ARHGEF16: variants seen among roughly 807,000 people sequenced by gnomAD.
ARHGEF16 encodes the protein Rho guanine exchange factor (GEF) 16.
ARHGEF16 carries 59 observed loss-of-function variants against 74.1 expected under a neutral mutation model. The ratio of observed to expected loss-of-function variants is 0.80; its 90% CI spans 0.65 to 0.99. ARHGEF16 has a LOEUF of 0.99. ARHGEF16 is among the 50% of genes least tolerant of loss of function. ARHGEF16 has a pLI of 0.00. For missense variants in ARHGEF16, 948 were observed against 986.6 expected (o/e 0.96, Z 0.52); for synonymous variants, 415 against 412.6 (o/e 1.01, Z -0.07).
In ARHGEF16 at chr1:3,463,581, G is replaced by A; in HGVS notation, c.497G>A (p.Gly166Asp). ...ATGAAGGGCCTGGGGAAGCCAGGTG[G>A]CCAGGGAGATGCCATCCAGCTAAGC... ...AAMKGLGKPG[G>D]QGDAIQLSPK... The change falls in exon 2 of 15, where the codon GGC becomes GAC. Residue 166 changes from glycine (G) to aspartate (D), a missense_variant. Physicochemically the swap from Gly to Asp is moderately conservative, Grantham distance 94 (BLOSUM62 -1). Coordinates refer to ENST00000378378, the MANE Select transcript of ARHGEF16 (RefSeq NM_014448.4). 1 of 1,449,520 alleles carries A rather than the reference G, an allele frequency of 6.9e-7. No individual in the cohort carries two copies. The highest frequency in any genetic ancestry group is 9.1e-7 in the Non-Finnish European group (1 of 1,097,626). 89.8% of individuals were successfully genotyped at this position (1,449,520 alleles called of 1,614,324 possible).
chr1:3,461,801 C>T (rs943496328), intron 1 of ARHGEF16, among the ~76,000 whole-genome samples: 2 of 152,234 alleles, frequency 1.3e-5, no homozygotes, highest in East Asian at 1.9e-4. Context: ...GCCATTGAGG[C>T]TCTGCCTGGC....
At chr1:3,474,496 C>T (rs1026361044) in intron 8 of ARHGEF16, 9 of 563,958 alleles carry the variant, frequency 1.6e-5, no homozygotes, top group Non-Finnish European at 2.6e-5. Flanking sequence ...GGGGTGCTAG[C>T]TCCTGTTCCC....
intron 1 of ARHGEF16, among the ~76,000 whole-genome samples, chr1:3,455,826 G>A (rs1487391404): frequency 6.6e-6 from 1 of 152,078 alleles, no homozygotes; most frequent in East Asian, 1.9e-4. Context: ...TTGGGGCCTC[G>A]GTTTCCTCAT....
chr1:3,472,094 C>T (rs932534902), intron 6 of ARHGEF16, among the ~76,000 whole-genome samples: 10 of 152,220 alleles, frequency 6.6e-5, no homozygotes, highest in Non-Finnish European at 8.8e-5. Context: ...CCCACCTCCA[C>T]GCTGGGTAAG....
chr1:3,463,471 C>T lies in ARHGEF16; in HGVS notation c.387C>T (p.Ser129=). 6 of 1,531,348 alleles carry T rather than the reference C, an allele frequency of 3.9e-6. No homozygotes were observed. In the South Asian group the frequency reaches 6.1e-5, roughly 16 times the overall value. The allele number at this position is 1,531,348 out of a possible 1,614,324, so 94.9% of individuals were successfully genotyped here. The change falls in exon 2 of 15, where the codon AGC becomes AGT. Residue 129 remains serine (S), a synonymous_variant. Transcript: ENST00000378378. ...RRDPKLLPAP[S]FSLDDMDVDK... is the part of the protein sequence containing the mutation. Reference sequence around the variant, plus strand: ...ACCCTAAGCTCCTCCCAGCCCCCAGCTTCTCCCTGGATGACATGGACGTGG... The same window carrying T: ...ACCCTAAGCTCCTCCCAGCCCCCAGTTTCTCCCTGGATGACATGGACGTGG...
At chr1:3,468,767 G>A (rs865947213) in intron 4 of ARHGEF16, 113 bp from the exon 5 acceptor site, 5 of 1,250,664 alleles carry the variant, frequency 4.0e-6, no homozygotes, top group Middle Eastern at 3.7e-4. Flanking sequence ...CCTGAGCCCT[G>A]TGGGGTGGCT....
intron 5 of ARHGEF16, 63 bp downstream of exon 5, chr1:3,468,999 G>A: frequency 6.5e-7 from 1 of 1,538,950 alleles, no homozygotes. Context: ...ACCCGGGGAG[G>A]GGCAGCAGCC....
chr1:3,480,929 T>G lies in ARHGEF16; in HGVS notation c.*342T>G. ...GACTGATGGGCACAGGAGGCACCAATAGCGATTATTGGGGGCAATGCGAGG... is the reference window on the plus strand; with the variant it reads ...GACTGATGGGCACAGGAGGCACCAAGAGCGATTATTGGGGGCAATGCGAGG... On this transcript the variant is annotated 3_prime_UTR_variant, in exon 15 of 15. Transcript: ENST00000378378. The G allele has an allele frequency of 9.7e-6, 3 of 310,124 alleles. No individual in the cohort carries two copies. The highest frequency in any genetic ancestry group is 1.2e-5 in the Non-Finnish European group (2 of 167,266). The allele number at this position is 310,124 out of a possible 1,614,324, so 19.2% of individuals were successfully genotyped here. A position where few individuals can be genotyped will look rare whatever the true frequency, so the allele number is the denominator to read the frequency against.
intron 6 of ARHGEF16, chr1:3,471,808 C>G (rs955261854): frequency 9.2e-7 from 1 of 1,084,768 alleles, no homozygotes; most frequent in South Asian, 2.2e-5. Flanking sequence ...GGCTGGTGGG[C>G]GGCTCTCCCA....
chr1:3,462,223 C>G lies in ARHGEF16; in HGVS notation c.-19-843C>G, dbSNP rs141590001. 4.3e-3 allele frequency among the ~76,000 whole-genome samples: 652 copies of G among 152,258 alleles called. 2 individuals carry two copies. The highest frequency in any genetic ancestry group is 0.015 in the African/African-American group (610 of 41,528). On this transcript the variant is annotated intron_variant, in intron 1 of 14. Transcript: ENST00000378378. The stretch of plus-strand genomic sequence containing the variant: ...GCCACCCCTGCCACCACCACACCTG[C>G]CCAGTGGCCAGGTGTCATACTGGAC...
At chr1:3,470,387 G>A (rs1453395460) in intron 6 of ARHGEF16, among the ~76,000 whole-genome samples, 2 of 149,280 alleles carry the variant, frequency 1.3e-5, no homozygotes, top group Non-Finnish European at 3.0e-5. Flanking sequence ...GGTGTGCATG[G>A]GTTTGTGTGC....
At chr1:3,471,284 G>T (rs1023435411) in intron 6 of ARHGEF16, among the ~76,000 whole-genome samples, 1 of 152,038 alleles carries the variant, frequency 6.6e-6, no homozygotes, top group Non-Finnish European at 1.5e-5. Context: ...CTTGGGTGGC[G>T]CTGGGAGATG....
chr1:3,463,653 G>A lies in ARHGEF16; in HGVS notation c.569G>A (p.Arg190Gln), dbSNP rs187419731. The A allele has an allele frequency of 9.8e-5, 138 of 1,411,486 alleles. No individual in the cohort carries two copies. Among genetic ancestry groups the A allele is most frequent in the Non-Finnish European group, 1.2e-4 (128 of 1,076,720 alleles). 87.4% of individuals were successfully genotyped at this position (1,411,486 alleles called of 1,614,324 possible). A position where few individuals can be genotyped will look rare whatever the true frequency, so the allele number is the denominator to read the frequency against. ...LAEEPSQPHT[R>Q]SPAKNKKTLG... ...GAGGAACCCAGCCAGCCTCATACTC[G>A]GAGCCCGGCCAAAAACAAGGTAGGG... Residue 190 changes from arginine (R) to glutamine (Q), a missense_variant, in exon 2 of 15, where the codon CGG becomes CAG. Coordinates refer to ENST00000378378, the MANE Select transcript of ARHGEF16 (RefSeq NM_014448.4).
chr1:3,474,818 CTG>C, intron 9 of ARHGEF16, 36 bp downstream of exon 9: 1 of 1,601,466 alleles, frequency 6.2e-7, no homozygotes, highest in Non-Finnish European at 8.5e-7. Flanking sequence ...TACCCGAGTC[CTG>C]TACCCCGACC....
chr1:3,466,888 G>C, intron 3 of ARHGEF16: 1 of 362,970 alleles, frequency 2.8e-6, no homozygotes, highest in East Asian at 4.7e-5. Context: ...GTCCCCAGGA[G>C]GCAGCAGCGA....
intron 2 of ARHGEF16, 90 bp from the exon 3 acceptor site, chr1:3,466,058 G>T: frequency 7.1e-7 from 1 of 1,416,880 alleles, no homozygotes; most frequent in South Asian, 1.3e-5. Context: ...ATGTGGAGCC[G>T]AGAGGTCTCT....
At chr1:3,463,718 G>A in intron 2 of ARHGEF16, 46 bp downstream of exon 2, 1 of 1,350,226 alleles carries the variant, frequency 7.4e-7, no homozygotes, top group Non-Finnish European at 9.6e-7. Context: ...CTGCTAGGCA[G>A]AGGGGCGGCC....
At chr1:3,473,287 C>G in intron 7 of ARHGEF16, 57 bp downstream of exon 7, 1 of 1,595,030 alleles carries the variant, frequency 6.3e-7, no homozygotes, top group South Asian at 1.1e-5. Context: ...GCACCCTGGT[C>G]TCCCAAAGCA....
intron 1 of ARHGEF16, among the ~76,000 whole-genome samples, chr1:3,455,990 A>C (rs1489581878): frequency 1.3e-5 from 2 of 152,146 alleles, no homozygotes; most frequent in African/African-American, 4.8e-5. Context: ...CATGGGCTGA[A>C]GGTAGGCACT....
Sources: allele counts gnomAD v4.1 joint callset (sites outside exome capture counted in the v4.1 genomes callset), GRCh38; gene constraint gnomAD v4.1.1; transcripts MANE v1.5; gene names NCBI Gene and HGNC (gene_info 2026-07-23, HGNC 2026-07-21).